Variants in CALY observed in about 807,000 individuals in gnomAD.
CALY encodes neuron-specific vesicular protein calcyon.
A neutral mutation model predicts 20.2 loss-of-function variants in CALY; 15 were observed. The observed-to-expected ratio is 0.74, with a 90% CI of 0.50 to 1.14. The LOEUF is 1.14. Ranked by LOEUF, CALY falls within the 50% of genes most tolerant of loss-of-function variation. CALY has a pLI of 0.00. For synonymous variants in CALY, 129 were observed against 131.8 expected, an observed-to-expected ratio of 0.98 and a Z score of 0.15; for missense variants, 270 against 304.4, an observed-to-expected ratio of 0.89 and a Z score of 0.84.
chr10:133,336,234 T>A (rs1368490531), intron 1 of CALY, among the ~76,000 whole-genome samples: 1 of 151,970 alleles, frequency 6.6e-6, no homozygotes, highest in Non-Finnish European at 1.5e-5. Flanking sequence ...GGCGCGCAGC[T>A]GCTCCCGCTT....
intron 1 of CALY, among the ~76,000 whole-genome samples, 173 bp downstream of exon 1, chr10:133,336,661 C>T (rs1198536695): frequency 1.3e-5 from 2 of 152,280 alleles, no homozygotes; most frequent in South Asian, 4.1e-4. Context: ...CACACTCGCA[C>T]CCGCACACGC....
At chr10:133,334,985 G>A (rs1363199278) in intron 1 of CALY, among the ~76,000 whole-genome samples, 1 of 152,216 alleles carries the variant, frequency 6.6e-6, no homozygotes, top group African/African-American at 2.4e-5. Flanking sequence ...TGGGCACTCG[G>A]CGGGCGAGGT....
intron 3 of CALY, chr10:133,327,611 C>A: frequency 1.7e-6 from 1 of 597,468 alleles, no homozygotes; most frequent in Non-Finnish European, 3.0e-6. Flanking sequence ...GAAGATGAGA[C>A]AATGACCCAC....
intron 1 of CALY, among the ~76,000 whole-genome samples, chr10:133,329,392 C>CTTCTTCTTTTTT (rs549430070): frequency 0.075 from 10,308 of 136,876 alleles, 520 homozygotes; most frequent in Admixed American, 0.12. Flanking sequence ...TCTTCTTCTT[C>CTTCTTCTTTTTT]TTTTTTTTTT....
rs778906477 is a variant in CALY, at chr10:133,327,926, G to A, written c.225C>T (p.Ser75=). 1.2e-6 allele frequency: 2 copies of A among 1,611,838 alleles called. No individual in the cohort carries two copies. Among genetic ancestry groups the A allele is most frequent in the African/African-American group, 2.7e-5 (2 of 74,912 alleles). ...PDLEGQRLNC[S]HPEEGRRLPT... Reference sequence around the variant, plus strand: ...TTACCCTGCGCCCTTCCTCTGGGTGGCTGCAGTTCAGCCTCTGGCCCTCCA... The same window carrying A: ...TTACCCTGCGCCCTTCCTCTGGGTGACTGCAGTTCAGCCTCTGGCCCTCCA... Residue 75 remains serine (S), a synonymous_variant, in exon 3 of 6, where the codon AGC becomes AGT. Coordinates refer to ENST00000252939, the MANE Select transcript of CALY (RefSeq NM_015722.4).
At position 133,324,865 on chromosome 10, in the gene CALY, G is replaced by A. The variant is rs918433825; in HGVS notation, c.*730C>T. On this transcript the variant is annotated 3_prime_UTR_variant, in exon 6 of 6. Transcript: ENST00000252939. ...CTCACCATCTTTCATCTGGCTCCAG[G>A]GACACGGGAGACCCCAGCCCCCAGG... The A allele has an allele frequency of 1.4e-5, 4 of 291,452 alleles. No homozygotes were observed. Among genetic ancestry groups the A allele is most frequent in the Non-Finnish European group, 2.7e-5 (4 of 148,630 alleles). The allele number at this position is 291,452 out of a possible 1,614,324, so 18.1% of individuals were successfully genotyped here. A position where few individuals can be genotyped will look rare whatever the true frequency, so the allele number is the denominator to read the frequency against.
chr10:133,330,377 G>T (rs1848283525), intron 1 of CALY, among the ~76,000 whole-genome samples: 1 of 134,158 alleles, frequency 7.5e-6, no homozygotes, highest in Non-Finnish European at 1.6e-5. Context: ...AAAAAAAAAG[G>T]CAGGGCGCGG....
intron 3 of CALY, 120 bp from the exon 4 acceptor site, chr10:133,327,111 C>A: frequency 1.4e-6 from 1 of 700,954 alleles, no homozygotes; most frequent in Admixed American, 2.2e-5. Context: ...TGCCCCACCC[C>A]CGCCCTGGGC....
rs1332885748 is a variant in CALY at position 133,324,856 on chromosome 10, T to C, written c.*739A>G. Reference sequence around the variant, plus strand: ...CGTTTCAGCCTCACCATCTTTCATCTGGCTCCAGGGACACGGGAGACCCCA... The same window carrying C: ...CGTTTCAGCCTCACCATCTTTCATCCGGCTCCAGGGACACGGGAGACCCCA... On this transcript the variant is annotated 3_prime_UTR_variant, in exon 6 of 6. Transcript: ENST00000252939. The C allele has an allele frequency of 3.4e-6, 1 of 295,636 alleles. No homozygotes were observed. The highest frequency in any genetic ancestry group is 2.3e-5 in the African/African-American group (1 of 43,226). The allele number at this position is 295,636 out of a possible 1,614,324, so 18.3% of individuals were successfully genotyped here.
chr10:133,325,892 C>A lies in CALY; in HGVS notation c.589G>T (p.Ala197Ser), dbSNP rs140691452. 1.6e-6 allele frequency: 2 copies of A among 1,274,996 alleles called. No homozygotes were observed. Among genetic ancestry groups the A allele is most frequent in the East Asian group, 3.1e-5 (1 of 31,836 alleles). 79.0% of individuals were successfully genotyped at this position (1,274,996 alleles called of 1,614,324 possible). A position where few individuals can be genotyped will look rare whatever the true frequency, so the allele number is the denominator to read the frequency against. Reference protein sequence around the residue: ...AATEPPGKPSAKAEKEAARKA... With the variant: ...AATEPPGKPSSKAEKEAARKA... ...CGCGCCGCCTCCTTCTCCGCCTTGG[C>A]CGACGGCTTCCCGGGGGGTTCGGTG... is the stretch of plus-strand genomic sequence containing the variant. Residue 197 changes from alanine to serine, a missense_variant, in exon 5 of 6, where the codon GCC becomes TCC. Coordinates refer to ENST00000252939, the MANE Select transcript of CALY (RefSeq NM_015722.4).
rs1365663315 is a variant in CALY at position 133,329,002 on chromosome 10, T to C, written c.-13A>G. 1 of 1,553,572 alleles carries C rather than the reference T, an allele frequency of 6.4e-7. No homozygotes were observed. The highest frequency in any genetic ancestry group is 1.2e-5 in the South Asian group (1 of 84,458). On this transcript the variant is annotated 5_prime_UTR_variant, in exon 2 of 6. Transcript: ENST00000252939. ...CCAGCTTCACCATGGTGGATGGCAGTCCTTGTCCTGTCCAAAGACAGACAG... is the reference window on the plus strand; with the variant it reads ...CCAGCTTCACCATGGTGGATGGCAGCCCTTGTCCTGTCCAAAGACAGACAG...
In CALY at chr10:133,324,194, A is replaced by C. The variant is rs1489054782; in HGVS notation, c.*1401T>G. 1 of 360,856 alleles carries C rather than the reference A, an allele frequency of 2.8e-6. No individual in the cohort carries two copies. Among genetic ancestry groups the C allele is most frequent in the South Asian group, 2.0e-5 (1 of 50,204 alleles). 22.4% of individuals were successfully genotyped at this position (360,856 alleles called of 1,614,324 possible). ...CCTTGCAGGCCATCAGGGCCAATTCAGTTCTGCGTGTGCTTGTTCATCTGG... is the reference window on the plus strand; with the variant it reads ...CCTTGCAGGCCATCAGGGCCAATTCCGTTCTGCGTGTGCTTGTTCATCTGG... On this transcript the variant is annotated 3_prime_UTR_variant, in exon 6 of 6. Coordinates refer to ENST00000252939, the MANE Select transcript of CALY (RefSeq NM_015722.4).
At chr10:133,326,158 C>A in intron 4 of CALY, 38 bp from the exon 5 acceptor site, 2 of 1,584,388 alleles carry the variant, frequency 1.3e-6, no homozygotes, top group South Asian at 1.1e-5. Flanking sequence ...TGGGGCTGAG[C>A]CCTCCTGTGC....
rs1360380881 is a variant in CALY, at chr10:133,328,438, C to T, written c.135+417G>A. ...CTGGGGGGTCAAACTGGGCTGGGCT[C>T]AAGCTGAGCTCTTTGCTTCTCCCCA... On this transcript the variant is annotated intron_variant, in intron 2 of 5. Coordinates refer to ENST00000252939, the MANE Select transcript of CALY (RefSeq NM_015722.4). Among the ~76,000 whole-genome samples, 3 of 152,184 alleles carry T rather than the reference C, an allele frequency of 2.0e-5. No individual in the cohort carries two copies. In the East Asian group the frequency reaches 5.8e-4, roughly 29 times the overall value.
intron 1 of CALY, among the ~76,000 whole-genome samples, chr10:133,333,292 T>TC (rs1488486199): frequency 2.2e-4 from 8 of 36,684 alleles, no homozygotes; most frequent in Non-Finnish European, 3.3e-4. Context: ...ATTGAGGGGG[T>TC]GGGGGGGGGG....
At chr10:133,327,561 T>C (rs1444255147) in intron 3 of CALY, 6 of 582,218 alleles carry the variant, frequency 1.0e-5, no homozygotes, top group Non-Finnish European at 1.8e-5. Flanking sequence ...CCAGATATAC[T>C]GCAGAAAGGA....
chr10:133,328,744 T>A, intron 2 of CALY, 111 bp downstream of exon 2: 3 of 1,204,482 alleles, frequency 2.5e-6, no homozygotes, highest in Non-Finnish European at 3.4e-6. Context: ...GCCCTTCATC[T>A]GTTTGCTCTA....
intron 1 of CALY, among the ~76,000 whole-genome samples, chr10:133,334,959 G>T (rs1316891740): frequency 1.3e-5 from 2 of 152,298 alleles, no homozygotes; most frequent in East Asian, 3.9e-4. Context: ...TTCCCACGTG[G>T]CCCGGGCAGG....
At chr10:133,325,706 A>C in intron 5 of CALY, 93 bp downstream of exon 5, 1 of 538,840 alleles carries the variant, frequency 1.9e-6, no homozygotes, top group Non-Finnish European at 2.7e-6. Context: ...AGAGGAAGGG[A>C]AGGGTGGCGG....
Sources: allele counts gnomAD v4.1 joint callset (sites outside exome capture counted in the v4.1 genomes callset), GRCh38; gene constraint gnomAD v4.1.1; transcripts MANE v1.5; gene names NCBI Gene and HGNC (gene_info 2026-07-23, HGNC 2026-07-21).